The following ZNF618 variants were observed in gnomAD, a reference collection of about 807,000 sequenced individuals.
ZNF618 encodes the protein neural precursor cell expressed, developmentally down-regulated 10.
Under a neutral mutation model 103.0 loss-of-function variants are expected in ZNF618, and 34 were observed. The ratio of observed to expected loss-of-function variants is 0.33; its 90% CI spans 0.25 to 0.44. The LOEUF is 0.44. Among genes scored for constraint, ZNF618 ranks in the 20% least tolerant of loss-of-function variants. The pLI is 1.00. For synonymous variants in ZNF618, 551 were observed against 542.2 expected (o/e 1.02, Z -0.23); for missense variants, 1,059 against 1,295.4 (o/e 0.82, Z 2.80).
At chr9:113,880,941 G>T (rs1828463612) in intron 1 of ZNF618, among the ~76,000 whole-genome samples, 1 of 152,156 alleles carries the variant, frequency 6.6e-6, no homozygotes, top group Non-Finnish European at 1.5e-5. Context: ...TAGGTGTCCT[G>T]TGCCACATAT....
chr9:113,943,527 G>A (rs1295817329), intron 1 of ZNF618, among the ~76,000 whole-genome samples: 1 of 152,118 alleles, frequency 6.6e-6, no homozygotes, highest in Admixed American at 6.5e-5. Context: ...GAAAGCAGTT[G>A]CCACTCAGCT....
At chr9:113,890,801 A>T (rs1184672609) in intron 1 of ZNF618, among the ~76,000 whole-genome samples, 3 of 152,188 alleles carry the variant, frequency 2.0e-5, no homozygotes, top group African/African-American at 7.2e-5. Context: ...TGATGGCCTG[A>T]TGGGCAAACT....
chr9:113,987,930 A>C (rs1839648324), intron 2 of ZNF618, among the ~76,000 whole-genome samples: 1 of 152,030 alleles, frequency 6.6e-6, no homozygotes, highest in Non-Finnish European at 1.5e-5. Flanking sequence ...ATCTGTATGC[A>C]CACTGAGGTC....
intron 2 of ZNF618, among the ~76,000 whole-genome samples, chr9:113,974,700 A>G (rs1057055669): frequency 7.9e-5 from 12 of 151,974 alleles, no homozygotes; most frequent in Non-Finnish European, 1.6e-4. Context: ...CCCAGAGTGG[A>G]GCAGCTGTAC....
intron 1 of ZNF618, among the ~76,000 whole-genome samples, chr9:113,901,286 G>T (rs900504254): frequency 6.6e-6 from 1 of 152,196 alleles, no homozygotes; most frequent in African/African-American, 2.4e-5. Context: ...GCGTCGTTGG[G>T]CCTCAGCGTC....
At chr9:113,927,803 T>G (rs1199773669) in intron 1 of ZNF618, among the ~76,000 whole-genome samples, 1 of 152,244 alleles carries the variant, frequency 6.6e-6, no homozygotes, top group Non-Finnish European at 1.5e-5. Context: ...AATGTTACTT[T>G]GTCCCTACCC....
At chr9:113,879,207 G>C (rs1017343277) in intron 1 of ZNF618, among the ~76,000 whole-genome samples, 6 of 151,870 alleles carry the variant, frequency 4.0e-5, no homozygotes, top group African/African-American at 1.4e-4. Context: ...AAAAAGTCAG[G>C]GTTGTAGATA....
chr9:113,936,135 C>T lies in ZNF618; in HGVS notation c.34-32982C>T, dbSNP rs183580235. 9.3e-4 allele frequency among the ~76,000 whole-genome samples: 141 copies of T among 152,218 alleles called. 1 individual carries two copies. Among genetic ancestry groups the T allele is most frequent in the African/African-American group, 2.7e-3 (113 of 41,550 alleles). On this transcript the variant is annotated intron_variant, in intron 1 of 14. Coordinates refer to ENST00000374126, the MANE Select transcript of ZNF618 (RefSeq NM_001318042.2). ...ATGTCCTGTGCCACAGGCTGGGATTCCTTGTCCTTCTCCAGGGGAAGCCAA... is the reference window on the plus strand; with the variant it reads ...ATGTCCTGTGCCACAGGCTGGGATTTCTTGTCCTTCTCCAGGGGAAGCCAA...
In ZNF618 at chr9:114,002,604, C is replaced by G; in HGVS notation, c.512-20C>G. 1 of 1,253,376 alleles carries G rather than the reference C, an allele frequency of 8.0e-7. No individual in the cohort carries two copies. The highest frequency in any genetic ancestry group is 1.8e-5 in the African/African-American group (1 of 54,700). 77.6% of individuals were successfully genotyped at this position (1,253,376 alleles called of 1,614,324 possible). A position where few individuals can be genotyped will look rare whatever the true frequency, so the allele number is the denominator to read the frequency against. On this transcript the variant is annotated intron_variant, in intron 5 of 14. Coordinates refer to ENST00000374126, the MANE Select transcript of ZNF618 (RefSeq NM_001318042.2). ...TGGCCCGGTAGCCCCACCCCCATCCCTCTCTCTCTCTCTTTGCAGACACCG... is the reference window on the plus strand; with the variant it reads ...TGGCCCGGTAGCCCCACCCCCATCCGTCTCTCTCTCTCTTTGCAGACACCG...
At chr9:113,951,501 A>ACACATATGTGTGTGTGTG (rs1456303079) in intron 1 of ZNF618, among the ~76,000 whole-genome samples, 12 of 70,858 alleles carry the variant, frequency 1.7e-4, no homozygotes, top group South Asian at 9.7e-4. Context: ...GTGTATGTGT[A>ACACATATGTGTGTGTGTG]CACATATATG....
rs561290185 is a variant in ZNF618 at position 114,050,273 on chromosome 9, C to A, written c.*106C>A. ...GAATTTAAGTTCTAAACACTGTGGACCTCATTATAAATGCCCCCTGGAAAC... is the reference window on the plus strand; with the variant it reads ...GAATTTAAGTTCTAAACACTGTGGAACTCATTATAAATGCCCCCTGGAAAC... On this transcript the variant is annotated 3_prime_UTR_variant, in exon 15 of 15. Coordinates refer to ENST00000374126, the MANE Select transcript of ZNF618 (RefSeq NM_001318042.2). 3.6e-6 allele frequency: 5 copies of A among 1,370,484 alleles called. No homozygotes were observed. The Admixed American group carries it at 9.6e-5, about 26-fold the overall frequency. The allele number at this position is 1,370,484 out of a possible 1,614,324, so 84.9% of individuals were successfully genotyped here. A position where few individuals can be genotyped will look rare whatever the true frequency, so the allele number is the denominator to read the frequency against.
intron 1 of ZNF618, among the ~76,000 whole-genome samples, chr9:113,923,789 CT>C (rs1832849840): frequency 6.6e-6 from 1 of 152,026 alleles, no homozygotes; most frequent in South Asian, 2.1e-4. Context: ...TTGAGTATCC[CT>C]TATCTGAAAT....
At chr9:114,010,339 C>T (rs1842126438) in intron 9 of ZNF618, among the ~76,000 whole-genome samples, 2 of 151,382 alleles carry the variant, frequency 1.3e-5, no homozygotes, top group Admixed American at 1.3e-4. Flanking sequence ...TATGATGAAA[C>T]CCTCAGTGCT....
At chr9:113,897,000 A>G (rs1238440509) in intron 1 of ZNF618, among the ~76,000 whole-genome samples, 2 of 152,212 alleles carry the variant, frequency 1.3e-5, no homozygotes, top group East Asian at 3.9e-4. Flanking sequence ...TTTACCTTGT[A>G]TAGATTTACA....
chr9:113,992,397 A>G (rs752295489), intron 3 of ZNF618, among the ~76,000 whole-genome samples: 3 of 152,098 alleles, frequency 2.0e-5, no homozygotes, highest in Non-Finnish European at 2.9e-5. Flanking sequence ...CCTGCTTCTG[A>G]AAGTGTATGA....
intron 13 of ZNF618, among the ~76,000 whole-genome samples, chr9:114,043,508 C>T (rs1845391852): frequency 6.6e-6 from 1 of 152,178 alleles, no homozygotes; most frequent in South Asian, 2.1e-4. Flanking sequence ...TTCATGTGCT[C>T]ATTGACCACA....
intron 1 of ZNF618, among the ~76,000 whole-genome samples, chr9:113,947,205 A>G (rs1396714050): frequency 1.3e-5 from 2 of 152,120 alleles, no homozygotes; most frequent in African/African-American, 4.8e-5. Flanking sequence ...TCCTTTCTAC[A>G]CTGGTTGGCT....
At chr9:114,014,944 G>A (rs1327369430) in intron 9 of ZNF618, among the ~76,000 whole-genome samples, 1 of 151,888 alleles carries the variant, frequency 6.6e-6, no homozygotes, top group African/African-American at 2.4e-5. Flanking sequence ...GAGCTTTTAG[G>A]TATCAAACAA....
intron 3 of ZNF618, among the ~76,000 whole-genome samples, chr9:113,990,492 A>G (rs117141328): frequency 0.014 from 2,097 of 152,250 alleles, 24 homozygotes; most frequent in Non-Finnish European, 0.021. Flanking sequence ...AAGGTACAAG[A>G]TATCTTAGTA....
Sources: gnomAD v4.1 joint callset for allele counts (sites outside exome capture counted in the v4.1 genomes callset) on GRCh38, gnomAD v4.1.1 for gene constraint, MANE v1.5 for transcripts, NCBI Gene and HGNC (gene_info 2026-07-23, HGNC 2026-07-21) for gene names.